Variants in KLF13 observed in about 807,000 individuals in gnomAD.
The protein encoded by KLF13 is KLF transcription factor 13, also known as Krueppel-like factor 13.
Under a neutral mutation model 16.7 loss-of-function variants are expected in KLF13, and 8 were observed. The observed-to-expected ratio is 0.48, with a 90% confidence interval of 0.28 to 0.87. The LOEUF (loss-of-function observed/expected upper bound fraction) is 0.87, where lower values mean the gene tolerates loss of function less well. Ranked by LOEUF, KLF13 falls within the 40% of genes least tolerant of loss-of-function variation. The pLI is 0.10. For missense variants in KLF13, 447 were observed against 452.2 expected, an observed-to-expected ratio of 0.99 and a Z score of 0.10; for synonymous variants, 245 against 208.4, an observed-to-expected ratio of 1.18 and a Z score of -1.51.
At chr15:31,400,552 C>T (rs373252065) in intron 2 of KLF13, among the ~76,000 whole-genome samples, 8 of 152,242 alleles carry the variant, frequency 5.3e-5, no homozygotes, top group South Asian at 2.1e-4. Context: ...GCTGGGACAG[C>T]GGCAAGGCAG....
At chr15:31,424,321 C>T (rs918081856) in intron 1 of KLF13, among the ~76,000 whole-genome samples, 1 of 152,022 alleles carries the variant, frequency 6.6e-6, no homozygotes, top group Admixed American at 6.6e-5. Flanking sequence ...AAATCCTCAA[C>T]AAAATACTAG....
chr15:31,359,722 G>A (rs2039351981), intron 1 of KLF13, among the ~76,000 whole-genome samples: 1 of 152,176 alleles, frequency 6.6e-6, no homozygotes. Context: ...CAGCCACTTG[G>A]TAGTCTGTTT....
intron 1 of KLF13, among the ~76,000 whole-genome samples, chr15:31,363,886 G>C (rs1057261471): frequency 1.3e-5 from 2 of 152,220 alleles, no homozygotes; most frequent in African/African-American, 4.8e-5. Context: ...TTTCACATTA[G>C]AATCTTTGAC....
intron 1 of KLF13, among the ~76,000 whole-genome samples, chr15:31,331,785 C>T (rs1470233885): frequency 2.0e-5 from 3 of 152,220 alleles, no homozygotes; most frequent in African/African-American, 7.2e-5. Context: ...ACCACCAAAC[C>T]ACTGTTACCC....
At chr15:31,402,202 C>T (rs1324200203) in intron 2 of KLF13, among the ~76,000 whole-genome samples, 1 of 152,212 alleles carries the variant, frequency 6.6e-6, no homozygotes, top group African/African-American at 2.4e-5. Context: ...GGGTTCAGCT[C>T]CAGGCTCTGC....
At position 31,400,123 on chromosome 15, in the gene KLF13, C is replaced by T. The variant is rs574586102; in HGVS notation, n.530-3305C>T. On this transcript the variant is annotated intron_variant and non_coding_transcript_variant, in intron 2 of 2. Coordinates refer to the KLF13 transcript ENST00000500533. The stretch of plus-strand genomic sequence containing the variant: ...GGGTTCTTGACAGCCTGCCAGGAGA[C>T]GAGTCCTACTCCTGTTCCACCCCCA... Among the ~76,000 whole-genome samples, 423 of 152,306 alleles carry T rather than the reference C, an allele frequency of 2.8e-3. 1 individual carries two copies. The highest frequency in any genetic ancestry group is 3.9e-3 in the Non-Finnish European group (266 of 68,024).
chr15:31,398,512 G>T (rs868854153), intron 2 of KLF13, among the ~76,000 whole-genome samples: 1 of 152,172 alleles, frequency 6.6e-6, no homozygotes, highest in Non-Finnish European at 1.5e-5. Flanking sequence ...TATTTCAGGG[G>T]CATGCTCGGT....
chr15:31,423,690 ATACTC>A (rs1022595729), intron 1 of KLF13, among the ~76,000 whole-genome samples: 6 of 152,174 alleles, frequency 3.9e-5, no homozygotes, highest in African/African-American at 1.4e-4. Flanking sequence ...CATATACAGA[ATACTC>A]TAAGAACTAC....
intron 1 of KLF13, among the ~76,000 whole-genome samples, chr15:31,433,264 C>A (rs1443274469): frequency 1.3e-5 from 2 of 152,162 alleles, no homozygotes; most frequent in African/African-American, 2.4e-5. Flanking sequence ...TGGTGGGAGC[C>A]CCCTGGGAGC....
intron 2 of KLF13, among the ~76,000 whole-genome samples, chr15:31,393,924 G>C (rs6493639): frequency 0.94 from 142,529 of 152,196 alleles, 66,886 homozygotes; most frequent in East Asian, 1. Flanking sequence ...GACAGGCAGC[G>C]GCATCTGCCA....
intron 1 of KLF13, among the ~76,000 whole-genome samples, chr15:31,349,132 C>A (rs908534581): frequency 6.6e-6 from 1 of 152,132 alleles, no homozygotes; most frequent in Non-Finnish European, 1.5e-5. Context: ...AGGCAGATGG[C>A]GAGGTAGGGT....
intron 1 of KLF13, among the ~76,000 whole-genome samples, chr15:31,338,087 G>C (rs1313334375): frequency 6.6e-6 from 1 of 152,174 alleles, no homozygotes; most frequent in East Asian, 1.9e-4. Flanking sequence ...CTTGTGATTT[G>C]AAGTTTCCCT....
At chr15:31,332,830 GT>G (rs749839492) in intron 1 of KLF13, among the ~76,000 whole-genome samples, 2 of 152,208 alleles carry the variant, frequency 1.3e-5, no homozygotes, top group African/African-American at 2.4e-5. Flanking sequence ...ATGTGTAAGT[GT>G]GTGTGTTTAA....
intron 1 of KLF13, among the ~76,000 whole-genome samples, chr15:31,343,525 AG>A (rs1044791779): frequency 9.8e-5 from 15 of 152,344 alleles, no homozygotes; most frequent in African/African-American, 3.6e-4. Flanking sequence ...TCCAGCCTCC[AG>A]TGGGGACCCA....
chr15:31,423,632 CA>C (rs1264069941), intron 1 of KLF13, among the ~76,000 whole-genome samples: 1 of 151,034 alleles, frequency 6.6e-6, no homozygotes, highest in East Asian at 1.9e-4. Context: ...GATTCCATCT[CA>C]AAAAAAAGGA....
chr15:31,420,527 T>G, intron 1 of KLF13: 7 of 570,130 alleles, frequency 1.2e-5, no homozygotes, highest in South Asian at 1.1e-4. Flanking sequence ...CATTCTGGTC[T>G]CCATCCAGAG....
intron 1 of KLF13, among the ~76,000 whole-genome samples, chr15:31,411,459 G>A (rs896524168): frequency 5.3e-5 from 8 of 149,920 alleles, no homozygotes; most frequent in Non-Finnish European, 1.0e-4. Flanking sequence ...GCAGTGGCGC[G>A]ATCTTGGCTC....
At chr15:31,328,570 G>T (rs893379193) in intron 1 of KLF13, among the ~76,000 whole-genome samples, 5 of 151,576 alleles carry the variant, frequency 3.3e-5, no homozygotes, top group African/African-American at 1.2e-4. Flanking sequence ...CTGCCCTCTC[G>T]CCTGCCCACC....
chr15:31,425,906 A>G (rs2040395245), intron 1 of KLF13, among the ~76,000 whole-genome samples: 1 of 152,200 alleles, frequency 6.6e-6, no homozygotes, highest in East Asian at 1.9e-4. Context: ...AATGCCTTTA[A>G]CAGCACCCAA....
Sources: gnomAD v4.1 joint callset for allele counts (sites outside exome capture counted in the v4.1 genomes callset) on GRCh38, gnomAD v4.1.1 for gene constraint, MANE v1.5 for transcripts, NCBI Gene and HGNC (gene_info 2026-07-23, HGNC 2026-07-21) for gene names.